SGCD: variants seen among roughly 807,000 people sequenced by gnomAD.
SGCD encodes sarcoglycan delta.
Under a neutral mutation model 36.6 loss-of-function variants are expected in SGCD, and 18 were observed. That is an observed-to-expected ratio of 0.49 (90% CI 0.34 to 0.73). The LOEUF (loss-of-function observed/expected upper bound fraction) is 0.73, where lower values mean the gene tolerates loss of function less well. SGCD is among the 30% of genes least tolerant of loss of function. The probability of loss-of-function intolerance (pLI) is 0.01; values close to 1 mark genes in which losing one functional copy is unlikely to be tolerated. For missense variants in SGCD, 387 were observed against 346.7 expected (o/e 1.12, Z -0.92); for synonymous variants, 133 against 130.6 (o/e 1.02, Z -0.12).
intron 1 of SGCD, among the ~76,000 whole-genome samples, chr5:155,934,106 G>T (rs17053011): frequency 0.13 from 20,032 of 152,202 alleles, 2,258 homozygotes; most frequent in Admixed American, 0.35. Flanking sequence ...AGAATTGGAT[G>T]CACACCTTGA....
At chr5:156,493,297 T>C (rs187655548) in intron 3 of SGCD, among the ~76,000 whole-genome samples, 1 of 151,490 alleles carries the variant, frequency 6.6e-6, no homozygotes. Context: ...ATACAATAAC[T>C]TGTTGTTAAA....
At chr5:156,366,418 A>C (rs915373137) in intron 3 of SGCD, among the ~76,000 whole-genome samples, 4 of 152,226 alleles carry the variant, frequency 2.6e-5, no homozygotes, top group African/African-American at 7.2e-5. Context: ...TTTTAAAATC[A>C]GGGGAAATCA....
chr5:155,969,937 T>A (rs764048056), intron 1 of SGCD, among the ~76,000 whole-genome samples: 19 of 152,124 alleles, frequency 1.2e-4, no homozygotes, highest in Non-Finnish European at 2.2e-4. Flanking sequence ...GCTTTTTTTT[T>A]CAGCTTGACA....
intron 4 of SGCD, among the ~76,000 whole-genome samples, chr5:156,553,702 T>C (rs1758887208): frequency 1.3e-5 from 2 of 152,172 alleles, no homozygotes; most frequent in Admixed American, 1.3e-4. Context: ...CAAATGGAAT[T>C]ACATAGTACA....
At chr5:156,333,210 A>G (rs1768154232) in intron 2 of SGCD, among the ~76,000 whole-genome samples, 1 of 152,222 alleles carries the variant, frequency 6.6e-6, no homozygotes, top group South Asian at 2.1e-4. Flanking sequence ...GATCAATTCT[A>G]ATTTTATGAA....
intron 3 of SGCD, among the ~76,000 whole-genome samples, chr5:156,290,603 T>C (rs2127677721): frequency 6.6e-6 from 1 of 152,264 alleles, no homozygotes; most frequent in African/African-American, 2.4e-5. Flanking sequence ...TAGTTCCTGG[T>C]ACATATTAAA....
At chr5:156,532,635 A>AT (rs1757934443) in intron 4 of SGCD, among the ~76,000 whole-genome samples, 1 of 151,890 alleles carries the variant, frequency 6.6e-6, no homozygotes, top group Non-Finnish European at 1.5e-5. Flanking sequence ...TAATTTTTTT[A>AT]TTTTTTTAGT....
At chr5:155,774,112 C>T in the SGCD span, among the ~76,000 whole-genome samples, 14 of 152,078 alleles carry the variant, frequency 9.2e-5, no homozygotes, top group Admixed American at 9.2e-4. Flanking sequence ...GTAAGAGAAG[C>T]GACTGAGGAA....
intron 3 of SGCD, among the ~76,000 whole-genome samples, chr5:156,254,331 G>C (rs571589714): frequency 6.6e-6 from 1 of 152,254 alleles, no homozygotes; most frequent in South Asian, 2.1e-4. Context: ...CCATTAACTT[G>C]TCATTTAACA....
intron 1 of SGCD, among the ~76,000 whole-genome samples, chr5:155,888,362 T>A (rs1018247085): frequency 1.3e-5 from 2 of 152,210 alleles, no homozygotes; most frequent in African/African-American, 4.8e-5. Flanking sequence ...AGTATTCTCA[T>A]GTTCCTGTAT....
chr5:156,324,941 T>G (rs1416069673), upstream of SGCD, among the ~76,000 whole-genome samples: 2 of 152,218 alleles, frequency 1.3e-5, no homozygotes, highest in South Asian at 2.1e-4. Flanking sequence ...TTTGCTATTA[T>G]TGTTAATTTA....
chr5:156,273,879 T>C (rs902523636), intron 3 of SGCD, among the ~76,000 whole-genome samples: 11 of 152,168 alleles, frequency 7.2e-5, no homozygotes, highest in Non-Finnish European at 1.5e-4. Flanking sequence ...GTCATGTTTT[T>C]TGTTGGGAGC....
intron 7 of SGCD, among the ~76,000 whole-genome samples, chr5:156,719,458 C>T (rs748662419): frequency 5.3e-5 from 8 of 151,830 alleles, no homozygotes; most frequent in African/African-American, 1.2e-4. Context: ...ATCTGGACAC[C>T]GTGTCCTAGC....
chr5:156,561,660 G>T (rs144519327), intron 4 of SGCD, among the ~76,000 whole-genome samples: 158 of 152,308 alleles, frequency 1.0e-3, no homozygotes, highest in African/African-American at 3.7e-3. Flanking sequence ...TGGTTTTTCA[G>T]TGTCTGAGTG....
chr5:156,415,921 TG>T (rs1352081402), intron 3 of SGCD, among the ~76,000 whole-genome samples: 6 of 152,186 alleles, frequency 3.9e-5, no homozygotes, highest in Middle Eastern at 3.2e-3. Flanking sequence ...TACAGAAACA[TG>T]GATTTGAAAA....
At chr5:156,323,587 G>A (rs535563934), upstream of SGCD, among the ~76,000 whole-genome samples, 14 of 152,252 alleles carry the variant, frequency 9.2e-5, no homozygotes, top group African/African-American at 1.7e-4. Context: ...ATCCTTGCCC[G>A]CATGGAGCTT....
intron 7 of SGCD, among the ~76,000 whole-genome samples, chr5:156,686,612 C>T (rs1268841090): frequency 1.3e-5 from 2 of 152,166 alleles, no homozygotes; most frequent in African/African-American, 4.8e-5. Context: ...TGATACAAAG[C>T]TTACTCAGAT....
At chr5:156,739,197 T>TTAAG (rs1756537260) in intron 7 of SGCD, among the ~76,000 whole-genome samples, 3 of 152,214 alleles carry the variant, frequency 2.0e-5, no homozygotes, top group Admixed American at 1.3e-4. Context: ...AATAATAATC[T>TTAAG]TAAGTTGTTC....
intron 3 of SGCD, among the ~76,000 whole-genome samples, chr5:156,403,485 G>A (rs188539758): frequency 2.3e-4 from 35 of 152,248 alleles, no homozygotes; most frequent in Admixed American, 1.2e-3. Flanking sequence ...TTTCTGACTC[G>A]CCGAGATGAT....
Sources: gnomAD v4.1 joint callset for allele counts (sites outside exome capture counted in the v4.1 genomes callset) on GRCh38, gnomAD v4.1.1 for gene constraint, MANE v1.5 for transcripts, NCBI Gene and HGNC (gene_info 2026-07-23, HGNC 2026-07-21) for gene names.